Variants in PHKA2 observed in about 807,000 individuals in gnomAD.
PHKA2 encodes phosphorylase b kinase regulatory subunit alpha, liver isoform.
A neutral mutation model predicts 102.0 loss-of-function variants in PHKA2; 31 were observed. The ratio of observed to expected loss-of-function variants is 0.30; its 90% CI spans 0.23 to 0.41. The LOEUF (loss-of-function observed/expected upper bound fraction) is 0.41, where lower values mean the gene tolerates loss of function less well. Among genes scored for constraint, PHKA2 ranks in the 10% least tolerant of loss-of-function variants. The pLI, the probability that PHKA2 is intolerant of heterozygous loss-of-function variation, is 1.00. For synonymous variants in PHKA2, 455 were observed against 416.2 expected (o/e 1.09, Z -1.13); for missense variants, 858 against 1,023.1 (o/e 0.84, Z 2.20).
chrX:18,939,488 TTTTTTGTTTTTG>T (rs772084608), intron 9 of PHKA2, among the ~76,000 whole-genome samples: 17 of 111,195 alleles, frequency 1.5e-4, no homozygotes, highest in Non-Finnish European at 3.0e-4. Flanking sequence ...TACAAGTTGG[TTTTTTGTTTTTG>T]TTTTTGTTTT....
chrX:18,893,536 C>T lies in PHKA2; in HGVS notation c.3657G>A (p.Val1219=), dbSNP rs750694185. The T allele has an allele frequency of 2.5e-6, 3 of 1,209,965 alleles. No homozygotes were observed. Among genetic ancestry groups the T allele is most frequent in the Admixed American group, 2.2e-5 (1 of 45,827 alleles). ...YGTMTYLTRA[V]ASYLQELLPN... is the part of the protein sequence containing the mutation. ...GCAACAATTCCTGCAAATAAGAAGC[C>T]ACTGCTCTTGTTAGGTAGGTCATCG... Residue 1219 remains valine, a synonymous_variant, in exon 33 of 33, where the codon GTG becomes GTA. Transcript: ENST00000379942.
In PHKA2 at chrX:18,904,687, C is replaced by T. The variant is rs2036186993; in HGVS notation, c.2908+1071G>A. Among the ~76,000 whole-genome samples the T allele has an allele frequency of 2.7e-5, 3 of 112,206 alleles. No homozygotes were observed. In the South Asian group the frequency reaches 1.1e-3, roughly 42 times the overall value. On this transcript the variant is annotated intron_variant, in intron 26 of 32. Coordinates refer to ENST00000379942, the MANE Select transcript of PHKA2 (RefSeq NM_000292.3). The stretch of plus-strand genomic sequence containing the variant: ...GGAAAGGAGAAAAACCACCAAAACA[C>T]ATCTGACTGCACGATGCTGTCTTTG...
At chrX:18,968,377 T>C (rs1171313391) in intron 1 of PHKA2, among the ~76,000 whole-genome samples, 1 of 112,681 alleles carries the variant, frequency 8.9e-6, no homozygotes, top group East Asian at 2.7e-4. Context: ...GTGGCAACGT[T>C]ATTTCAGTTG....
rs2047490288 is a variant in PHKA2, at chrX:18,894,291, G to A, written c.3450C>T (p.Leu1150=). The change falls in exon 32 of 33, where the codon CTC becomes CTT. Residue 1150 remains leucine, a synonymous_variant. Coordinates refer to ENST00000379942, the MANE Select transcript of PHKA2 (RefSeq NM_000292.3). ...CGATGCTGGTCATCTCCGTGTCCGA[G>A]AGCAGCGTCAGCACCATGATGGCTT... ...LVEAIMVLTL[L]SDTEMTSIGG... is the part of the protein sequence containing the mutation. 1 of 1,211,505 alleles carries A rather than the reference G, an allele frequency of 8.3e-7. No individual in the cohort carries two copies. The highest frequency in any genetic ancestry group is 3.0e-5 in the East Asian group (1 of 33,848).
intron 12 of PHKA2, among the ~76,000 whole-genome samples, chrX:18,931,293 T>C (rs1394187512): frequency 9.0e-6 from 1 of 111,368 alleles, no homozygotes; most frequent in Admixed American, 9.5e-5. Context: ...ATCTAGTCAT[T>C]TCCCAAATCT....
chrX:18,971,833 TC>T (rs1158236377), intron 1 of PHKA2, among the ~76,000 whole-genome samples: 1 of 112,633 alleles, frequency 8.9e-6, no homozygotes, highest in Non-Finnish European at 1.9e-5. Flanking sequence ...AAAGTTTCAG[TC>T]AAGATGTTGG....
intron 1 of PHKA2, among the ~76,000 whole-genome samples, chrX:18,980,684 G>A (rs1331025621): frequency 8.9e-6 from 1 of 111,808 alleles, no homozygotes; most frequent in Non-Finnish European, 1.9e-5. Flanking sequence ...TAAATACTGA[G>A]GGAACTCAGA....
intron 30 of PHKA2, chrX:18,896,782 C>T (rs1414143549): frequency 3.9e-6 from 1 of 258,955 alleles, no homozygotes; most frequent in Non-Finnish European, 7.1e-6. Flanking sequence ...CTTCTATGTT[C>T]CTAAAATACG....
chrX:18,943,973 ATTCTT>A (rs939763001), intron 6 of PHKA2, among the ~76,000 whole-genome samples, 165 bp from the exon 7 acceptor site: 33 of 111,459 alleles, frequency 3.0e-4, no homozygotes, highest in African/African-American at 7.5e-4. Flanking sequence ...AGTCTTTTTT[ATTCTT>A]TTCTTTTCTT....
At chrX:18,968,114 C>T (rs1456530297) in intron 1 of PHKA2, among the ~76,000 whole-genome samples, 2 of 111,244 alleles carry the variant, frequency 1.8e-5, no homozygotes, top group Non-Finnish European at 3.8e-5. Context: ...ATTTTCAGGC[C>T]GGGTGCAGTG....
chrX:18,919,217 G>A (rs752926651), intron 18 of PHKA2, among the ~76,000 whole-genome samples: 1 of 111,664 alleles, frequency 9.0e-6, no homozygotes, highest in Admixed American at 9.5e-5. Context: ...TAAGCCTTAT[G>A]GAACTCCCAG....
At chrX:18,943,042 G>A (rs921093528) in intron 7 of PHKA2, among the ~76,000 whole-genome samples, 3 of 110,632 alleles carry the variant, frequency 2.7e-5, no homozygotes, top group African/African-American at 9.9e-5. Context: ...TCTCTGCCTG[G>A]AAACACAAAC....
intron 13 of PHKA2, among the ~76,000 whole-genome samples, chrX:18,927,423 C>T: frequency 8.9e-6 from 1 of 112,094 alleles, no homozygotes; most frequent in Non-Finnish European, 1.9e-5. Flanking sequence ...AAGGGGAGCA[C>T]GGCCACAGGG....
chrX:18,918,915 C>A (rs1186894474), intron 18 of PHKA2, 61 bp from the exon 19 acceptor site: 1 of 999,579 alleles, frequency 1.0e-6, no homozygotes, highest in East Asian at 3.0e-5. Flanking sequence ...TATGACTACA[C>A]AATAGTGACC....
intron 28 of PHKA2, 113 bp downstream of exon 28, chrX:18,900,557 C>G: frequency 1.4e-6 from 1 of 704,066 alleles, no homozygotes; most frequent in East Asian, 3.2e-5. Context: ...AGCCCGTTTG[C>G]TGGATAGAGC....
At chrX:18,940,338 C>T (rs1002957413) in intron 8 of PHKA2, among the ~76,000 whole-genome samples, 8 of 111,834 alleles carry the variant, frequency 7.2e-5, no homozygotes, top group Non-Finnish European at 1.5e-4. Context: ...TACTGTATTA[C>T]ACAGAGACCT....
intron 28 of PHKA2, 82 bp from the exon 29 acceptor site, chrX:18,899,308 C>T (rs1014294712): frequency 1.0e-5 from 8 of 796,089 alleles, no homozygotes; most frequent in East Asian, 3.2e-5. Flanking sequence ...GAGCAGCATC[C>T]GAAACACCCA....
intron 1 of PHKA2, among the ~76,000 whole-genome samples, chrX:18,978,880 C>A (rs1198247808): frequency 1.8e-5 from 2 of 111,415 alleles, no homozygotes; most frequent in African/African-American, 6.5e-5. Flanking sequence ...TAGCTCACAC[C>A]TGTAATCCCA....
At position 18,905,818 on chromosome X, in the gene PHKA2, C is replaced by A. The variant is rs747153540; in HGVS notation, c.2848G>T (p.Asp950Tyr). 5.8e-6 allele frequency: 7 copies of A among 1,207,787 alleles called. No individual in the cohort carries two copies. The South Asian group carries it at 8.8e-5, about 15-fold the overall frequency. Residue 950 changes from aspartate (D) to tyrosine (Y), a missense_variant, in exon 26 of 33, where the codon GAT becomes TAT. Asp to Tyr is a radical substitution (Grantham distance 160). Transcript: ENST00000379942. ...SESLMNLSPF[D>Y]MKNLLHHILS... ...ATATGGTGCAGGAGATTTTTCATAT[C>A]GAAAGGGCTGAGGTTCATCAAACTT...
Sources: allele counts gnomAD v4.1 joint callset (sites outside exome capture counted in the v4.1 genomes callset), GRCh38; gene constraint gnomAD v4.1.1; transcripts MANE v1.5; gene names NCBI Gene and HGNC (gene_info 2026-07-23, HGNC 2026-07-21).